The following CCR5AS variants were observed in gnomAD, a reference collection of about 807,000 sequenced individuals.
CCR5AS encodes the protein CCR5 antisense RNA.
intron 2 of CCR5AS, among the ~76,000 whole-genome samples, chr3:46,391,030 G>T (rs1216177158): frequency 1.3e-5 from 2 of 152,246 alleles, no homozygotes; most frequent in Admixed American, 1.3e-4. Context: ...TCAGTCTTCA[G>T]CTGCTAAGCT....
At chr3:46,402,940 G>T (rs148161054) in intron 1 of CCR5AS, among the ~76,000 whole-genome samples, 48 of 152,230 alleles carry the variant, frequency 3.2e-4, no homozygotes, top group African/African-American at 9.6e-4. Flanking sequence ...CCTTCTTTGA[G>T]TTCATGTGTT....
intron 3 of CCR5AS, among the ~76,000 whole-genome samples, chr3:46,365,629 G>T (rs1208129686): frequency 6.6e-6 from 1 of 152,184 alleles, no homozygotes; most frequent in Non-Finnish European, 1.5e-5. Context: ...CTCTGTGTTG[G>T]TCAAGATGCC....
chr3:46,391,221 T>C (rs757236920), intron 2 of CCR5AS, among the ~76,000 whole-genome samples: 7 of 152,198 alleles, frequency 4.6e-5, no homozygotes, highest in African/African-American at 7.2e-5. Flanking sequence ...GAGGAGGTCC[T>C]GGAGAAATGC....
chr3:46,405,568 G>A (rs1024271086), intron 1 of CCR5AS, among the ~76,000 whole-genome samples: 1 of 152,160 alleles, frequency 6.6e-6, no homozygotes, highest in Admixed American at 6.5e-5. Flanking sequence ...AGAGACCCAG[G>A]AGGAGGGGCC....
At chr3:46,372,795 T>C (rs1330484159) in intron 2 of CCR5AS, 7 of 843,566 alleles carry the variant, frequency 8.3e-6, no homozygotes, top group Non-Finnish European at 1.3e-5. Flanking sequence ...ATGTAGGCAA[T>C]TAAAAACCTA....
At chr3:46,381,356 A>G (rs1701814959) in intron 2 of CCR5AS, among the ~76,000 whole-genome samples, 1 of 152,172 alleles carries the variant, frequency 6.6e-6, no homozygotes, top group South Asian at 2.1e-4. Flanking sequence ...AGAACTGGGA[A>G]CTCATGCCAG....
intron 1 of CCR5AS, among the ~76,000 whole-genome samples, chr3:46,405,113 A>G (rs971917006): frequency 3.3e-5 from 5 of 152,346 alleles, no homozygotes; most frequent in Middle Eastern, 3.4e-3. Context: ...CCTCAACTGC[A>G]GCCTTCTAAA....
At chr3:46,375,801 G>C (rs1325030663) in intron 2 of CCR5AS, 1 of 166,834 alleles carries the variant, frequency 6.0e-6, no homozygotes, top group African/African-American at 2.4e-5. Flanking sequence ...AAGGGAGAGA[G>C]AGAGGTTTTT....
At chr3:46,382,289 C>G (rs1279658264) in intron 2 of CCR5AS, among the ~76,000 whole-genome samples, 3 of 152,224 alleles carry the variant, frequency 2.0e-5, no homozygotes, top group African/African-American at 7.2e-5. Context: ...TCTTCCCGTG[C>G]TATGTAAATG....
chr3:46,373,515 C>T, intron 2 of CCR5AS: 5 of 1,613,490 alleles, frequency 3.1e-6, no homozygotes, highest in Non-Finnish European at 4.2e-6. Flanking sequence ...GGGGCTGGTC[C>T]TGCCGCTGCT....
At chr3:46,389,278 G>T (rs112266582) in intron 2 of CCR5AS, among the ~76,000 whole-genome samples, 84 of 152,356 alleles carry the variant, frequency 5.5e-4, no homozygotes, top group Middle Eastern at 3.4e-3. Flanking sequence ...GATCAGGCTG[G>T]CTGTCTGATG....
intron 2 of CCR5AS, among the ~76,000 whole-genome samples, chr3:46,391,811 C>A (rs1238679203): frequency 3.3e-5 from 5 of 151,874 alleles, no homozygotes; most frequent in African/African-American, 1.2e-4. Flanking sequence ...CCTGGCTAGG[C>A]CTAGCGAGGA....
intron 2 of CCR5AS, chr3:46,374,942 T>G (rs1701732317): frequency 6.0e-6 from 1 of 167,326 alleles, no homozygotes. Flanking sequence ...GTGCAGCATA[T>G]GAGGATGCAG....
intron 2 of CCR5AS, among the ~76,000 whole-genome samples, chr3:46,388,676 A>C (rs985492802): frequency 6.6e-6 from 1 of 152,218 alleles, no homozygotes; most frequent in African/African-American, 2.4e-5. Flanking sequence ...AGGCCTCAGC[A>C]GTTTTGGAGG....
At chr3:46,369,114 C>A (rs772246467) in intron 3 of CCR5AS, among the ~76,000 whole-genome samples, 1 of 152,104 alleles carries the variant, frequency 6.6e-6, no homozygotes, top group Non-Finnish European at 1.5e-5. Flanking sequence ...AACAGTCCCC[C>A]GAGGGTGGGT....
At chr3:46,390,442 T>C (rs1298485693) in intron 2 of CCR5AS, among the ~76,000 whole-genome samples, 1 of 152,082 alleles carries the variant, frequency 6.6e-6, no homozygotes, top group Admixed American at 6.5e-5. Context: ...TTGTAGGCTT[T>C]AAGAGGCCAT....
intron 2 of CCR5AS, among the ~76,000 whole-genome samples, chr3:46,386,327 C>T (rs2106765938): frequency 6.6e-6 from 1 of 152,342 alleles, no homozygotes; most frequent in South Asian, 2.1e-4. Flanking sequence ...ACAGCCTGGA[C>T]ACCAGGTGCA....
At chr3:46,400,034 C>A (rs990035395) in intron 1 of CCR5AS, among the ~76,000 whole-genome samples, 7 of 152,150 alleles carry the variant, frequency 4.6e-5, no homozygotes, top group African/African-American at 1.7e-4. Context: ...GTCACACAGG[C>A]TGGAGTGTAG....
chr3:46,402,049 C>A (rs1205197192), intron 1 of CCR5AS, among the ~76,000 whole-genome samples: 1 of 152,080 alleles, frequency 6.6e-6, no homozygotes, highest in Non-Finnish European at 1.5e-5. Context: ...GTTTTTTAGT[C>A]CAGCAATTTT....
Sources: allele counts gnomAD v4.1 joint callset (sites outside exome capture counted in the v4.1 genomes callset), GRCh38; gene constraint gnomAD v4.1.1; transcripts MANE v1.5; gene names NCBI Gene and HGNC (gene_info 2026-07-23, HGNC 2026-07-21).